ZNF385B: variants seen among roughly 807,000 people sequenced by gnomAD.
ZNF385B encodes the protein zinc finger protein 385B.
In ZNF385B, 23 loss-of-function variants were observed where a neutral mutation model predicts 39.2. The ratio of observed to expected loss-of-function variants is 0.59; its 90% CI spans 0.42 to 0.83. The LOEUF is 0.83. Among genes scored for constraint, ZNF385B ranks in the 40% least tolerant of loss-of-function variants. The pLI is 0.00. For missense variants in ZNF385B, 552 were observed against 598.9 expected, an observed-to-expected ratio of 0.92 and a Z score of 0.82; for synonymous variants, 205 against 222.6, an observed-to-expected ratio of 0.92 and a Z score of 0.70.
At chr2:179,691,679 T>C (rs1282120131) in intron 3 of ZNF385B, among the ~76,000 whole-genome samples, 1 of 152,172 alleles carries the variant, frequency 6.6e-6, no homozygotes, top group Non-Finnish European at 1.5e-5. Flanking sequence ...ATATAGGATG[T>C]CCAACTAAAT....
Position 179,774,951 on chromosome 2 carries a change from T to A in ZNF385B, c.-154-4279A>T, listed in dbSNP as rs894238855. ...TGGAACACTGGGTATTGTGGGAAAG[T>A]TTGGGGAATACTTTCTGAAGATTAA... On this transcript the variant is annotated intron_variant, in intron 1 of 9. Coordinates refer to ENST00000410066, the MANE Select transcript of ZNF385B (RefSeq NM_152520.6). Among the ~76,000 whole-genome samples the A allele has an allele frequency of 3.3e-5, 5 of 152,162 alleles. No homozygotes were observed. The East Asian group carries it at 9.6e-4, about 29-fold the overall frequency.
intron 4 of ZNF385B, among the ~76,000 whole-genome samples, chr2:179,524,564 A>G (rs2058757407): frequency 1.9e-5 from 2 of 106,402 alleles, no homozygotes; most frequent in East Asian, 2.3e-4. Context: ...AAAAAAAAAA[A>G]AAAAAAAAAA....
At position 179,679,510 on chromosome 2, in the gene ZNF385B, T is replaced by C. The variant is rs16866920; in HGVS notation, c.298+89993A>G. 4.5e-3 allele frequency among the ~76,000 whole-genome samples: 679 copies of C among 152,350 alleles called. 20 individuals carry two copies. The East Asian group carries it at 0.08, about 18-fold the overall frequency. Reference sequence around the variant, plus strand: ...TGACCCTGGCTTACAGATGTACCACTGGATCTTGGACTAAATGGTAATGGT... The same window carrying C: ...TGACCCTGGCTTACAGATGTACCACCGGATCTTGGACTAAATGGTAATGGT... On this transcript the variant is annotated intron_variant, in intron 3 of 9. Transcript: ENST00000410066.
chr2:179,450,440 G>A (rs557078554), intron 6 of ZNF385B, among the ~76,000 whole-genome samples: 2 of 152,204 alleles, frequency 1.3e-5, no homozygotes, highest in African/African-American at 4.8e-5. Flanking sequence ...GTGGGCGAAG[G>A]ATATGAACAG....
chr2:179,447,015 A>G (rs1172159348), intron 6 of ZNF385B, among the ~76,000 whole-genome samples: 2 of 152,108 alleles, frequency 1.3e-5, no homozygotes, highest in Non-Finnish European at 2.9e-5. Context: ...TTGTTCTCCC[A>G]GTTGGAGCAG....
chr2:179,737,693 G>A (rs577987448), intron 3 of ZNF385B, among the ~76,000 whole-genome samples: 190 of 152,100 alleles, frequency 1.2e-3, no homozygotes, highest in African/African-American at 4.0e-3. Flanking sequence ...CATATTCCCC[G>A]CATGTTCTCT....
At chr2:179,568,414 G>A (rs1684839074) in intron 3 of ZNF385B, among the ~76,000 whole-genome samples, 1 of 152,172 alleles carries the variant, frequency 6.6e-6, no homozygotes, top group Non-Finnish European at 1.5e-5. Context: ...CCAGTTTCTA[G>A]AGCAGGGCCA....
At chr2:179,662,900 G>A (rs549115048) in intron 3 of ZNF385B, among the ~76,000 whole-genome samples, 62 of 151,812 alleles carry the variant, frequency 4.1e-4, no homozygotes, top group Non-Finnish European at 7.6e-4. Context: ...AAAAATCATT[G>A]AGGAGCACAG....
chr2:179,526,820 G>A lies in ZNF385B; in HGVS notation c.442-8182C>T, dbSNP rs531740689. Among the ~76,000 whole-genome samples, 31 of 152,254 alleles carry A rather than the reference G, an allele frequency of 2.0e-4. 2 individuals are homozygous for A. The South Asian group carries it at 3.9e-3, about 19-fold the overall frequency. ...TGGCATGTCACTCTCTCCACAAACC[G>A]TTTATTAAACCAAGGGTCAAATGTT... On this transcript the variant is annotated intron_variant, in intron 4 of 9. Coordinates refer to ENST00000410066, the MANE Select transcript of ZNF385B (RefSeq NM_152520.6).
chr2:179,583,700 C>G (rs960734434), intron 3 of ZNF385B, among the ~76,000 whole-genome samples: 5 of 152,154 alleles, frequency 3.3e-5, no homozygotes, highest in African/African-American at 1.2e-4. Flanking sequence ...CCTCACTCAG[C>G]AAGTAATACA....
intron 5 of ZNF385B, among the ~76,000 whole-genome samples, chr2:179,494,127 A>T (rs2105686927): frequency 6.6e-6 from 1 of 152,218 alleles, no homozygotes; most frequent in East Asian, 1.9e-4. Context: ...GTATCAAGGA[A>T]ACTCTGTTGA....
chr2:179,605,100 T>C (rs1210322348), intron 3 of ZNF385B, among the ~76,000 whole-genome samples: 2 of 152,154 alleles, frequency 1.3e-5, no homozygotes, highest in African/African-American at 4.8e-5. Context: ...AGAGACATGT[T>C]TAAAACACAC....
At chr2:179,584,061 T>C (rs1272793582) in intron 3 of ZNF385B, 2 of 681,878 alleles carry the variant, frequency 2.9e-6, no homozygotes, top group African/African-American at 1.9e-5. Flanking sequence ...CAAAAGCTTA[T>C]AGTCTACTGG....
chr2:179,787,175 A>T (rs1423124725), intron 1 of ZNF385B, among the ~76,000 whole-genome samples: 1 of 152,012 alleles, frequency 6.6e-6, no homozygotes, highest in Non-Finnish European at 1.5e-5. Flanking sequence ...ACATTATCCC[A>T]TTTATCTTTA....
At chr2:179,798,727 TA>T (rs1705839759) in intron 1 of ZNF385B, among the ~76,000 whole-genome samples, 1 of 152,158 alleles carries the variant, frequency 6.6e-6, no homozygotes, top group South Asian at 2.1e-4. Context: ...ATAGTCAAAT[TA>T]CTGTGGTTAA....
At chr2:179,753,603 T>C (rs936852084) in intron 3 of ZNF385B, among the ~76,000 whole-genome samples, 1 of 152,230 alleles carries the variant, frequency 6.6e-6, no homozygotes, top group Non-Finnish European at 1.5e-5. Context: ...GTTTCCTCTT[T>C]CATTTCGTTG....
intron 3 of ZNF385B, among the ~76,000 whole-genome samples, chr2:179,747,851 C>G (rs2106463487): frequency 6.6e-6 from 1 of 152,192 alleles, no homozygotes; most frequent in South Asian, 2.1e-4. Flanking sequence ...ACTCTATAAT[C>G]AGACACATTA....
At chr2:179,473,669 C>T (rs984518347) in intron 6 of ZNF385B, among the ~76,000 whole-genome samples, 3 of 152,266 alleles carry the variant, frequency 2.0e-5, no homozygotes, top group Admixed American at 1.3e-4. Flanking sequence ...GTCATCCCCC[C>T]CCATTGCCCC....
chr2:179,614,055 A>G lies in ZNF385B; in HGVS notation c.299-69086T>C, dbSNP rs545552605. On this transcript the variant is annotated intron_variant, in intron 3 of 9. Transcript: ENST00000410066. ...TGGTCTCCCTCCCGCAAATGCACAG[A>G]TTCTCTTTCTGTGACACACGGCTGC... 4.0e-5 allele frequency among the ~76,000 whole-genome samples: 6 copies of G among 151,204 alleles called. No individual in the cohort carries two copies. The East Asian group carries it at 1.2e-3, about 29-fold the overall frequency.
Sources: gnomAD v4.1 joint callset for allele counts (sites outside exome capture counted in the v4.1 genomes callset) on GRCh38, gnomAD v4.1.1 for gene constraint, MANE v1.5 for transcripts, NCBI Gene and HGNC (gene_info 2026-07-23, HGNC 2026-07-21) for gene names.